AKR1C2: variants seen among roughly 807,000 people sequenced by gnomAD.
The protein encoded by AKR1C2 is aldo-keto reductase family 1 member C2, also known as 3-alpha-HSD3.
AKR1C2 carries 27 observed loss-of-function variants against 39.8 expected under a neutral mutation model. The ratio of observed to expected loss-of-function variants is 0.68; its 90% CI spans 0.50 to 0.93. AKR1C2 has a LOEUF of 0.93. AKR1C2 is among the 40% of genes least tolerant of loss of function. The pLI is 0.00. For synonymous variants in AKR1C2, 114 were observed against 137.9 expected, an observed-to-expected ratio of 0.83 and a Z score of 1.22; for missense variants, 263 against 365.1, an observed-to-expected ratio of 0.72 and a Z score of 2.28.
chr10:5,005,063 AC>A (rs1253920876), upstream of AKR1C2, among the ~76,000 whole-genome samples: 5 of 151,708 alleles, frequency 3.3e-5, no homozygotes, highest in Non-Finnish European at 5.9e-5. Flanking sequence ...GGGTGACTAT[AC>A]ACATACAGAT....
Position 5,000,550 on chromosome 10 carries a change from CT to C in AKR1C2, c.368del (p.Lys123SerfsTer6), listed in dbSNP as rs782619090. 34 of 1,613,836 alleles carry C rather than the reference CT, an allele frequency of 2.1e-5. No homozygotes were observed. The East Asian group carries it at 5.3e-4, about 25-fold the overall frequency. On this transcript the variant is annotated frameshift_variant and splice_region_variant, in exon 3 of 9. Transcript: ENST00000380753. LOFTEE classifies it high-confidence loss of function. ...LYLIHFPVSV[K>X]PGEEVIPKDE... Reference sequence around the variant, plus strand: ...TAATTTGATCACACAAGCTGCCTACCTTTACAGACACTGGAAAATGAATAAG... The same window carrying C: ...TAATTTGATCACACAAGCTGCCTACCTTACAGACACTGGAAAATGAATAAG...
At chr10:4,996,281 T>G (rs569889481) in intron 5 of AKR1C2, 1 of 192,442 alleles carries the variant, frequency 5.2e-6, no homozygotes, top group Non-Finnish European at 1.1e-5. Flanking sequence ...TATATATGTA[T>G]GTTTTCTAAT....
At chr10:4,997,110 G>A (rs1305688660) in intron 5 of AKR1C2, 4 of 152,134 alleles carry the variant, frequency 2.6e-5, no homozygotes, top group Non-Finnish European at 5.9e-5. Context: ...CACCACTAGT[G>A]GGGCATTCTG....
Position 4,998,776 on chromosome 10 carries a change from T to C in AKR1C2, c.448-29A>G, listed in dbSNP as rs368885983. On this transcript the variant is annotated intron_variant, in intron 4 of 8. Coordinates refer to ENST00000380753, the MANE Select transcript of AKR1C2 (RefSeq NM_001393392.1). ...GGAAAAAGGAATTGTGAGGTATCAT[T>C]TGTGTAGTCGACTGAAGAGCAAGAT... 1.2e-5 allele frequency: 19 copies of C among 1,613,032 alleles called. No individual in the cohort carries two copies. The African/African-American group carries it at 2.4e-4, about 20-fold the overall frequency.
At chr10:4,999,031 T>A (rs1383442337) in intron 4 of AKR1C2, among the ~76,000 whole-genome samples, 169 bp downstream of exon 4, 2 of 152,208 alleles carry the variant, frequency 1.3e-5, no homozygotes, top group African/African-American at 4.8e-5. Flanking sequence ...CACTTCTCTC[T>A]TTTGTATGCC....
intron 1 of AKR1C2, among the ~76,000 whole-genome samples, chr10:5,016,917 C>A (rs1837652923): frequency 6.6e-6 from 1 of 152,176 alleles, no homozygotes; most frequent in African/African-American, 2.4e-5. Context: ...TGGAAGTCAC[C>A]ACACATTGGG....
rs10618 is a variant in AKR1C2 at position 4,998,686 on chromosome 10, T to C, written c.509A>G (p.His170Arg). ...AKSIGVSNFN[H>R]RLLEMILNKP... Reference sequence around the variant, plus strand: ...GTTGAGGATCATCTCCAGCAGCCTGTGGTTGAAGTTGGACACCCCGATGGA... The same window carrying C: ...GTTGAGGATCATCTCCAGCAGCCTGCGGTTGAAGTTGGACACCCCGATGGA... Residue 170 changes from histidine (H) to arginine (R), a missense_variant, in exon 5 of 9, where the codon CAC becomes CGC. Physicochemically the swap from His to Arg is conservative, Grantham distance 29. Transcript: ENST00000380753. The C allele has an allele frequency of 2.3e-4, 367 of 1,614,104 alleles. No individual in the cohort carries two copies. Among genetic ancestry groups the C allele is most frequent in the Non-Finnish European group, 2.8e-4 (327 of 1,179,968 alleles).
rs551960582 is a variant in AKR1C2, at chr10:4,993,634, G to A, written c.846+1685C>T. ...GGCATGAAAAATTAGTCTACATGAA[G>A]GATAGAAACTTTTGTTTGTGAAAAC... On this transcript the variant is annotated intron_variant, in intron 7 of 8. Coordinates refer to ENST00000380753, the MANE Select transcript of AKR1C2 (RefSeq NM_001393392.1). Among the ~76,000 whole-genome samples the A allele has an allele frequency of 5.4e-4, 82 of 151,896 alleles. 1 individual carries two copies. Among genetic ancestry groups the A allele is most frequent in the African/African-American group, 1.9e-3 (80 of 41,456 alleles).
At chr10:5,002,334 CAGGG>C (rs1837299083) in intron 1 of AKR1C2, among the ~76,000 whole-genome samples, 1 of 152,154 alleles carries the variant, frequency 6.6e-6, no homozygotes, top group African/African-American at 2.4e-5. Context: ...AGTTAGGAAA[CAGGG>C]AGAACTCCAC....
At chr10:5,003,313 G>T (rs1433494287) in intron 1 of AKR1C2, among the ~76,000 whole-genome samples, 1 of 150,106 alleles carries the variant, frequency 6.7e-6, no homozygotes, top group Admixed American at 6.7e-5. Context: ...TAGTATTACA[G>T]TGTGGTGCTC....
chr10:4,996,681 T>G (rs1461241812), intron 5 of AKR1C2, among the ~76,000 whole-genome samples: 1 of 151,768 alleles, frequency 6.6e-6, no homozygotes, highest in African/African-American at 2.4e-5. Flanking sequence ...CTTTGTCTAC[T>G]CTGATGGTGG....
rs568473483 is a variant in AKR1C2 at position 5,002,801 on chromosome 10, G to A, written c.84+951C>T. Among the ~76,000 whole-genome samples the A allele has an allele frequency of 9.9e-5, 15 of 152,188 alleles. No homozygotes were observed. The East Asian group carries it at 1.4e-3, about 14-fold the overall frequency. On this transcript the variant is annotated intron_variant, in intron 1 of 8. Transcript: ENST00000380753. ...TCATACCATCTTTGATCTTCTCTTC[G>A]CTGTGCAAGCAATCAAAGGCTTACC...
intron 7 of AKR1C2, among the ~76,000 whole-genome samples, chr10:4,993,165 T>C (rs1460394011): frequency 6.6e-6 from 1 of 152,164 alleles, no homozygotes; most frequent in Non-Finnish European, 1.5e-5. Context: ...GTTAATAAGA[T>C]GATTCAAAAT....
intron 7 of AKR1C2, among the ~76,000 whole-genome samples, chr10:4,994,392 C>T (rs1331650026): frequency 6.6e-6 from 1 of 152,100 alleles, no homozygotes; most frequent in Non-Finnish European, 1.5e-5. Flanking sequence ...ACTTGCTTGG[C>T]TATATGAATT....
chr10:5,011,319 T>C (rs1391322436), intron 1 of AKR1C2, among the ~76,000 whole-genome samples: 1 of 152,214 alleles, frequency 6.6e-6, no homozygotes, highest in Admixed American at 6.5e-5. Context: ...TGGGAAATTA[T>C]TGGGTAAATA....
chr10:5,008,193 A>G (rs56088906), upstream of AKR1C2, among the ~76,000 whole-genome samples: 119,876 of 148,106 alleles, frequency 0.81, 48,285 homozygotes, highest in South Asian at 0.85. Flanking sequence ...GCACCCATGG[A>G]GACCCCCTGC....
At chr10:4,998,504 C>T (rs1554773402) in intron 5 of AKR1C2, 121 bp downstream of exon 5, 3 of 1,527,804 alleles carry the variant, frequency 2.0e-6, no homozygotes, top group Admixed American at 2.1e-5. Context: ...TAGGAAGAGG[C>T]TTTGTTCTCT....
chr10:5,009,618 C>T (rs1356173560), intron 1 of AKR1C2, among the ~76,000 whole-genome samples: 1 of 109,924 alleles, frequency 9.1e-6, no homozygotes, highest in African/African-American at 2.7e-5. Context: ...CAGCAAAGGC[C>T]CCCACCTTTA....
chr10:4,997,339 TG>T (rs1837091603), intron 5 of AKR1C2: 1 of 152,320 alleles, frequency 6.6e-6, no homozygotes, highest in Non-Finnish European at 1.5e-5. Flanking sequence ...AAAGATATTT[TG>T]ATTAAGCAAT....
Sources: gnomAD v4.1 joint callset for allele counts (sites outside exome capture counted in the v4.1 genomes callset) on GRCh38, gnomAD v4.1.1 for gene constraint, MANE v1.5 for transcripts, NCBI Gene and HGNC (gene_info 2026-07-23, HGNC 2026-07-21) for gene names.